The following STPG2 variants were observed in gnomAD, a reference collection of about 807,000 sequenced individuals.
STPG2 encodes sperm-tail PG-rich repeat-containing protein 2.
Under a neutral mutation model 54.2 loss-of-function variants are expected in STPG2, and 56 were observed. The ratio of observed to expected loss-of-function variants is 1.03; its 90% CI spans 0.83 to 1.29. The LOEUF is 1.29. STPG2 is among the 50% of genes most tolerant of loss of function. The probability of loss-of-function intolerance (pLI) is 0.00; values close to 1 mark genes in which losing one functional copy is unlikely to be tolerated. For missense variants in STPG2, 596 were observed against 544.9 expected (o/e 1.09, Z -0.93); for synonymous variants, 200 against 181.8 (o/e 1.10, Z -0.81).
At chr4:97,619,438 T>C (rs1733950874) in intron 10 of STPG2, among the ~76,000 whole-genome samples, 1 of 152,092 alleles carries the variant, frequency 6.6e-6, no homozygotes, top group Non-Finnish European at 1.5e-5. Flanking sequence ...ATATGGGTTT[T>C]AAATTTTTGA....
chr4:97,845,615 T>C (rs72881458), intron 8 of STPG2, among the ~76,000 whole-genome samples: 19,428 of 152,220 alleles, frequency 0.13, 1,898 homozygotes, highest in African/African-American at 0.26. Context: ...AATTGCTTTT[T>C]GTTTTAACAT....
intron 4 of STPG2, among the ~76,000 whole-genome samples, chr4:97,473,654 C>T (rs931284034): frequency 5.9e-5 from 9 of 152,134 alleles, no homozygotes; most frequent in African/African-American, 1.7e-4. Flanking sequence ...TTGTGAACCA[C>T]GTGATCTCTG....
intron 10 of STPG2, among the ~76,000 whole-genome samples, chr4:97,615,538 T>C (rs1252642657): frequency 1.3e-5 from 2 of 152,094 alleles, no homozygotes; most frequent in Admixed American, 6.6e-5. Context: ...TCCTCCCATA[T>C]TGGCCTCCTA....
chr4:98,001,381 G>A (rs1735411387), intron 5 of STPG2, among the ~76,000 whole-genome samples: 1 of 151,638 alleles, frequency 6.6e-6, no homozygotes. Flanking sequence ...ATGGTGCTAT[G>A]TAAATGTTCG....
chr4:97,950,183 C>A (rs1056672952), intron 7 of STPG2, among the ~76,000 whole-genome samples: 2 of 151,850 alleles, frequency 1.3e-5, no homozygotes, highest in African/African-American at 4.8e-5. Context: ...TCTCTAGTAT[C>A]TCAAATAAAT....
chr4:98,143,251 G>A lies in STPG2; in HGVS notation c.-101C>T. 1 of 844,316 alleles carries A rather than the reference G, an allele frequency of 1.2e-6. No individual in the cohort carries two copies. 52.3% of individuals were successfully genotyped at this position (844,316 alleles called of 1,614,324 possible). On this transcript the variant is annotated 5_prime_UTR_variant, in exon 1 of 11. Coordinates refer to ENST00000295268, the MANE Select transcript of STPG2 (RefSeq NM_174952.3). ...AGAAAAAGGAAGCCGACACCAGTCT[G>A]AGGAGGCCGGGAAAGAACTTCCGTA... is the stretch of plus-strand genomic sequence containing the variant.
intron 7 of STPG2, 40 bp downstream of exon 7, chr4:97,972,240 A>G (rs1374201944): frequency 7.3e-7 from 1 of 1,363,720 alleles, no homozygotes; most frequent in Non-Finnish European, 9.9e-7. Flanking sequence ...AGAGCTTGAT[A>G]TTCAACATAA....
At chr4:97,569,306 G>C (rs925844628) in intron 10 of STPG2, among the ~76,000 whole-genome samples, 1 of 152,124 alleles carries the variant, frequency 6.6e-6, no homozygotes, top group Non-Finnish European at 1.5e-5. Context: ...ATTATAATTA[G>C]TGTACTATGA....
At chr4:97,855,178 G>A (rs367601844) in intron 8 of STPG2, among the ~76,000 whole-genome samples, 122 of 152,104 alleles carry the variant, frequency 8.0e-4, no homozygotes, top group Admixed American at 1.6e-3. Flanking sequence ...CTGATTCCAC[G>A]TCTTTGCTAT....
intron 5 of STPG2, among the ~76,000 whole-genome samples, chr4:98,077,020 C>T (rs1345441978): frequency 1.3e-5 from 2 of 152,038 alleles, no homozygotes; most frequent in Admixed American, 6.5e-5. Context: ...AGCGACCCCT[C>T]GAGATTCCTG....
intron 8 of STPG2, chr4:97,917,530 A>G (rs1256004090): frequency 6.6e-6 from 1 of 152,250 alleles, no homozygotes; most frequent in Non-Finnish European, 1.5e-5. Flanking sequence ...ATGTAAGAAC[A>G]TAATTTACCC....
intron 10 of STPG2, among the ~76,000 whole-genome samples, chr4:97,701,851 C>G (rs1417456670): frequency 6.6e-6 from 1 of 152,184 alleles, no homozygotes; most frequent in Non-Finnish European, 1.5e-5. Flanking sequence ...TTGCCTTTGA[C>G]AGTTGAGTGC....
intron 10 of STPG2, among the ~76,000 whole-genome samples, chr4:97,593,417 C>T (rs986244852): frequency 2.0e-5 from 3 of 152,182 alleles, no homozygotes; most frequent in African/African-American, 7.2e-5. Flanking sequence ...GGTGTCAGCG[C>T]ATCCTGGGTC....
chr4:97,997,408 G>A (rs888243830), intron 5 of STPG2, among the ~76,000 whole-genome samples: 1 of 152,130 alleles, frequency 6.6e-6, no homozygotes, highest in Admixed American at 6.6e-5. Flanking sequence ...CAAAAGAAAG[G>A]AGCAAAAGAG....
chr4:97,784,575 G>T (rs1023297424), intron 9 of STPG2, among the ~76,000 whole-genome samples: 1 of 151,774 alleles, frequency 6.6e-6, no homozygotes. Flanking sequence ...ATAAATGGTA[G>T]TAGTAAAAAA....
chr4:97,732,131 G>C (rs79344989), intron 9 of STPG2, among the ~76,000 whole-genome samples: 100 of 152,288 alleles, frequency 6.6e-4, no homozygotes, highest in African/African-American at 2.3e-3. Context: ...CTCAGAGCAA[G>C]ATGGAGAGCC....
chr4:97,974,416 T>G (rs1419608667), intron 6 of STPG2, among the ~76,000 whole-genome samples: 5 of 152,190 alleles, frequency 3.3e-5, no homozygotes, highest in South Asian at 2.1e-4. Flanking sequence ...TTTTGGGGAC[T>G]GTTGGGAAGG....
At chr4:97,958,934 G>A (rs1008474899) in intron 7 of STPG2, among the ~76,000 whole-genome samples, 3 of 152,106 alleles carry the variant, frequency 2.0e-5, no homozygotes, top group Non-Finnish European at 4.4e-5. Context: ...CTATTCATCA[G>A]CACATGCAAT....
intron 9 of STPG2, among the ~76,000 whole-genome samples, chr4:97,747,315 T>G (rs1725448471): frequency 6.6e-6 from 1 of 151,438 alleles, no homozygotes; most frequent in Admixed American, 6.6e-5. Context: ...AAATTAAGAT[T>G]ATTAAGCAAC....
Sources: allele counts gnomAD v4.1 joint callset (sites outside exome capture counted in the v4.1 genomes callset), GRCh38; gene constraint gnomAD v4.1.1; transcripts MANE v1.5; gene names NCBI Gene and HGNC (gene_info 2026-07-23, HGNC 2026-07-21).